Variants in SOHLH2 observed in about 807,000 individuals in gnomAD.
The protein encoded by SOHLH2 is spermatogenesis and oogenesis specific basic helix-loop-helix 2.
Under a neutral mutation model 50.4 loss-of-function variants are expected in SOHLH2, and 22 were observed. That is an observed-to-expected ratio of 0.44 (90% CI 0.31 to 0.62). The LOEUF (loss-of-function observed/expected upper bound fraction) is 0.62. Among genes scored for constraint, SOHLH2 ranks in the 20% least tolerant of loss-of-function variants. The pLI is 0.08. For synonymous variants in SOHLH2, 185 were observed against 187.3 expected (o/e 0.99, Z 0.10); for missense variants, 412 against 504.4 (o/e 0.82, Z 1.76).
intron 2 of SOHLH2, among the ~76,000 whole-genome samples, chr13:36,199,749 G>C (rs559790251): frequency 6.6e-6 from 1 of 152,240 alleles, no homozygotes; most frequent in South Asian, 2.1e-4. Context: ...TTTAATATCT[G>C]CAGCTAAACA....
At chr13:36,193,910 T>A (rs1397798434) in intron 2 of SOHLH2, 43 bp from the exon 3 acceptor site, 1 of 1,567,666 alleles carries the variant, frequency 6.4e-7, no homozygotes, top group Non-Finnish European at 8.6e-7. Context: ...AAAATCATTA[T>A]TCAAAAAATT....
chr13:36,170,928 GA>G (rs1426430375), intron 9 of SOHLH2, 141 bp from the exon 10 acceptor site: 1 of 1,330,028 alleles, frequency 7.5e-7, no homozygotes, highest in Non-Finnish European at 1.0e-6. Flanking sequence ...AATGCTGATG[GA>G]AAAACAAAGT....
At position 36,193,800 on chromosome 13, in the gene SOHLH2, A is replaced by G. The variant is rs1887645222; in HGVS notation, c.325+6T>C. On this transcript the variant is annotated splice_donor_region_variant and intron_variant, in intron 3 of 10. Transcript: ENST00000379881. Reference sequence around the variant, plus strand: ...AAAACAAATACTATATTTAGCAGGTACATACCTTTAAAATTTTCAGGGATT... The same window carrying G: ...AAAACAAATACTATATTTAGCAGGTGCATACCTTTAAAATTTTCAGGGATT... The G allele has an allele frequency of 1.2e-6, 2 of 1,604,566 alleles. No individual in the cohort carries two copies. The highest frequency in any genetic ancestry group is 1.7e-6 in the Non-Finnish European group (2 of 1,177,746).
chr13:36,197,822 T>C (rs1276385517), intron 2 of SOHLH2, among the ~76,000 whole-genome samples: 1 of 152,230 alleles, frequency 6.6e-6, no homozygotes, highest in Non-Finnish European at 1.5e-5. Flanking sequence ...ACATTCACCA[T>C]GTGACATGGT....
rs930869284 is a variant in SOHLH2 at position 36,176,693 on chromosome 13, A to G, written c.642-1824T>C. On this transcript the variant is annotated intron_variant, in intron 6 of 10. Transcript: ENST00000379881. ...ACCATCAGAAAGAAAAGGTGCCACT[A>G]TCTCATGTCAGTGCTGAAAAAGTTT... Among the ~76,000 whole-genome samples, 4 of 152,134 alleles carry G rather than the reference A, an allele frequency of 2.6e-5. No homozygotes were observed. The South Asian group carries it at 8.3e-4, about 32-fold the overall frequency.
At chr13:36,177,201 A>G (rs1269315519) in intron 6 of SOHLH2, among the ~76,000 whole-genome samples, 1 of 152,030 alleles carries the variant, frequency 6.6e-6, no homozygotes, top group African/African-American at 2.4e-5. Context: ...AGCTTCTTTC[A>G]CTCAGCTTTA....
rs1181013081 is a variant in SOHLH2, at chr13:36,169,027, T to G, written c.*7A>C. The G allele has an allele frequency of 1.2e-6, 2 of 1,606,546 alleles. No homozygotes were observed. The highest frequency in any genetic ancestry group is 2.7e-5 in the African/African-American group (2 of 74,630). On this transcript the variant is annotated 3_prime_UTR_variant, in exon 11 of 11. Coordinates refer to ENST00000379881, the MANE Select transcript of SOHLH2 (RefSeq NM_017826.3). ...TGGTTGAGAGTGTGAATTTCAAACA[T>G]GTGCTTTTAATACGCCCAAAACTGT...
At chr13:36,176,770 G>A (rs1438484196) in intron 6 of SOHLH2, among the ~76,000 whole-genome samples, 2 of 152,018 alleles carry the variant, frequency 1.3e-5, no homozygotes, top group Non-Finnish European at 2.9e-5. Context: ...TGCTCAACTA[G>A]TATCTGCTTT....
chr13:36,173,935 T>C, intron 8 of SOHLH2, 125 bp from the exon 9 acceptor site: 3 of 1,099,094 alleles, frequency 2.7e-6, no homozygotes. Context: ...CTATGGATTA[T>C]TTACATATGA....
At position 36,168,882 on chromosome 13, in the gene SOHLH2, T is replaced by C. The variant is rs1566033300; in HGVS notation, c.*152A>G. ...GCTGGTCTTTCTATCTGCAGAAGCT[T>C]TGAGTGCATTTATCAGAAGCCAAAC... On this transcript the variant is annotated 3_prime_UTR_variant, in exon 11 of 11. Transcript: ENST00000379881. 1 of 1,312,246 alleles carries C rather than the reference T, an allele frequency of 7.6e-7. No individual in the cohort carries two copies. Among genetic ancestry groups the C allele is most frequent in the Non-Finnish European group, 1.0e-6 (1 of 992,048 alleles). 81.3% of individuals were successfully genotyped at this position (1,312,246 alleles called of 1,614,324 possible).
At chr13:36,197,006 C>G (rs1887751912) in intron 2 of SOHLH2, among the ~76,000 whole-genome samples, 1 of 152,154 alleles carries the variant, frequency 6.6e-6, no homozygotes, top group Admixed American at 6.5e-5. Flanking sequence ...AAAATGTTCT[C>G]TTTTTTTGTG....
At chr13:36,205,200 A>G (rs1054041857) in intron 1 of SOHLH2, among the ~76,000 whole-genome samples, 1 of 152,186 alleles carries the variant, frequency 6.6e-6, no homozygotes, top group Non-Finnish European at 1.5e-5. Flanking sequence ...CTAGGTAGGC[A>G]ATCCTACCGC....
intron 4 of SOHLH2, among the ~76,000 whole-genome samples, chr13:36,192,853 CTG>C (rs1489519300): frequency 1.3e-5 from 2 of 152,172 alleles, no homozygotes; most frequent in Non-Finnish European, 1.5e-5. Context: ...TATAGTCACA[CTG>C]TGTATATTAG....
intron 10 of SOHLH2, among the ~76,000 whole-genome samples, 179 bp downstream of exon 10, chr13:36,170,352 G>A (rs1349762723): frequency 1.3e-5 from 2 of 152,192 alleles, no homozygotes; most frequent in Admixed American, 6.5e-5. Flanking sequence ...CCTGCAGCAT[G>A]AGGAGCGAGA....
chr13:36,200,789 C>T (rs1263304918), intron 2 of SOHLH2, among the ~76,000 whole-genome samples: 1 of 151,760 alleles, frequency 6.6e-6, no homozygotes, highest in Admixed American at 6.6e-5. Context: ...GGTGGCTCAC[C>T]CCTGTAATCC....
At chr13:36,211,876 C>T (rs2138337021) in intron 1 of SOHLH2, among the ~76,000 whole-genome samples, 1 of 152,236 alleles carries the variant, frequency 6.6e-6, no homozygotes, top group East Asian at 1.9e-4. Context: ...AAAATGTGTC[C>T]ATGCTGGGCT....
chr13:36,173,408 C>T (rs901148087), intron 9 of SOHLH2, among the ~76,000 whole-genome samples: 2 of 152,208 alleles, frequency 1.3e-5, no homozygotes, highest in Admixed American at 1.3e-4. Flanking sequence ...AATACTTCCC[C>T]TCCCCTGAGA....
At chr13:36,197,369 C>T (rs557594166) in intron 2 of SOHLH2, among the ~76,000 whole-genome samples, 2 of 152,168 alleles carry the variant, frequency 1.3e-5, no homozygotes, top group South Asian at 4.1e-4. Flanking sequence ...CACTGTCTTG[C>T]CCCCATCCCC....
intron 6 of SOHLH2, among the ~76,000 whole-genome samples, chr13:36,179,541 G>A (rs1029457138): frequency 2.2e-4 from 33 of 152,028 alleles, no homozygotes; most frequent in South Asian, 8.3e-4. Context: ...CACGAGTAGC[G>A]GAGATTACAG....
Sources: allele counts gnomAD v4.1 joint callset (sites outside exome capture counted in the v4.1 genomes callset), GRCh38; gene constraint gnomAD v4.1.1; transcripts MANE v1.5; gene names NCBI Gene and HGNC (gene_info 2026-07-23, HGNC 2026-07-21).